POLA1: variants seen among roughly 807,000 people sequenced by gnomAD.
POLA1 encodes the protein DNA polymerase alpha catalytic subunit.
A neutral mutation model predicts 124.0 loss-of-function variants in POLA1; 15 were observed. The observed-to-expected ratio is 0.12, with a 90% CI of 0.08 to 0.19. POLA1 has a LOEUF of 0.19. Ranked by LOEUF, POLA1 falls within the 10% of genes least tolerant of loss-of-function variation. The pLI is 1.00. For synonymous variants in POLA1, 408 were observed against 389.4 expected, an observed-to-expected ratio of 1.05 and a Z score of -0.56; for missense variants, 886 against 1,103.4, an observed-to-expected ratio of 0.80 and a Z score of 2.79.
chrX:24,743,477 T>C, intron 23 of POLA1, 148 bp downstream of exon 23: 1 of 334,567 alleles, frequency 3.0e-6, no homozygotes, highest in Non-Finnish European at 5.3e-6. Flanking sequence ...GTGAAAATCT[T>C]GGTTGCCAGT....
intron 4 of POLA1, among the ~76,000 whole-genome samples, chrX:24,707,512 C>A (rs1023301755): frequency 1.7e-4 from 19 of 112,040 alleles, no homozygotes; most frequent in African/African-American, 6.2e-4. Flanking sequence ...GCTTTGCCAC[C>A]ACCATTCACC....
intron 17 of POLA1, 112 bp from the exon 18 acceptor site, chrX:24,735,287 G>T: frequency 2.2e-6 from 1 of 457,415 alleles, no homozygotes; most frequent in South Asian, 3.9e-5. Flanking sequence ...GTTTTGAAAT[G>T]GATGGTTTCT....
At chrX:24,942,620 A>G (rs1006987385) in intron 36 of POLA1, among the ~76,000 whole-genome samples, 1 of 112,422 alleles carries the variant, frequency 8.9e-6, no homozygotes, top group African/African-American at 3.2e-5. Context: ...ATTTGAAAGC[A>G]TATCTGAATT....
intron 15 of POLA1, among the ~76,000 whole-genome samples, chrX:24,729,230 C>G: frequency 9.0e-6 from 1 of 111,530 alleles, no homozygotes; most frequent in Non-Finnish European, 1.9e-5. Context: ...GGGTACTGTC[C>G]TGGGCATTGT....
intron 35 of POLA1, among the ~76,000 whole-genome samples, chrX:24,922,225 C>G (rs1242021313): frequency 1.0e-5 from 1 of 98,217 alleles, no homozygotes; most frequent in East Asian, 3.2e-4. Flanking sequence ...CAGACATGCG[C>G]TATCATACCC....
chrX:24,838,527 C>A (rs770251737), intron 32 of POLA1, among the ~76,000 whole-genome samples: 2 of 112,499 alleles, frequency 1.8e-5, no homozygotes, highest in Admixed American at 9.4e-5. Flanking sequence ...ATGGAAGTTA[C>A]TTTTCTCAAA....
intron 34 of POLA1, among the ~76,000 whole-genome samples, chrX:24,846,514 A>G (rs11573439): frequency 9.0e-6 from 1 of 111,537 alleles, no homozygotes; most frequent in Admixed American, 9.6e-5. Flanking sequence ...TTGAACTGGT[A>G]TTTTTTGAAA....
intron 36 of POLA1, among the ~76,000 whole-genome samples, chrX:24,950,293 C>CT (rs1158122246): frequency 3.6e-5 from 4 of 112,020 alleles, no homozygotes; most frequent in Non-Finnish European, 7.5e-5. Context: ...CTGTCCAGTG[C>CT]TGTAGCCTCT....
At chrX:24,867,096 T>A (rs868248091) in intron 34 of POLA1, among the ~76,000 whole-genome samples, 4 of 109,488 alleles carry the variant, frequency 3.7e-5, no homozygotes, top group African/African-American at 9.9e-5. Context: ...GATTTTTTTT[T>A]AATTTGCATA....
chrX:24,898,299 C>G (rs919972029), intron 35 of POLA1, among the ~76,000 whole-genome samples: 1 of 111,953 alleles, frequency 8.9e-6, no homozygotes, highest in African/African-American at 3.2e-5. Context: ...CAATTCAAAG[C>G]GAGTCCATTT....
At chrX:24,860,706 C>A (rs1231450073) in intron 34 of POLA1, among the ~76,000 whole-genome samples, 1 of 112,658 alleles carries the variant, frequency 8.9e-6, no homozygotes, top group Non-Finnish European at 1.9e-5. Context: ...GTCAGACCAT[C>A]ACTAGCCATT....
intron 35 of POLA1, among the ~76,000 whole-genome samples, chrX:24,895,077 C>T (rs1225097661): frequency 9.0e-6 from 1 of 111,363 alleles, no homozygotes; most frequent in Non-Finnish European, 1.9e-5. Flanking sequence ...CCCAGCCCCG[C>T]CCCTATTTTC....
At chrX:24,699,238 G>A (rs1295616942) in intron 1 of POLA1, among the ~76,000 whole-genome samples, 187 bp from the exon 2 acceptor site, 1 of 111,889 alleles carries the variant, frequency 8.9e-6, no homozygotes, top group Non-Finnish European at 1.9e-5. Flanking sequence ...ACTTTCTGGC[G>A]AGTCATGTAT....
chrX:24,741,568 G>A, intron 21 of POLA1, 64 bp downstream of exon 21: 1 of 970,975 alleles, frequency 1.0e-6, no homozygotes. Context: ...GCTTGGGGTA[G>A]TTGTTATATG....
chrX:24,887,533 G>A, intron 34 of POLA1, among the ~76,000 whole-genome samples: 1 of 112,189 alleles, frequency 8.9e-6, no homozygotes, highest in East Asian at 2.8e-4. Flanking sequence ...TGCAACAACG[G>A]TATACGGTAA....
intron 26 of POLA1, among the ~76,000 whole-genome samples, chrX:24,770,559 A>G (rs2045009039): frequency 9.0e-6 from 1 of 111,699 alleles, no homozygotes; most frequent in African/African-American, 3.3e-5. Context: ...GTCTAAACTC[A>G]GGAGGGTAAC....
chrX:24,754,744 T>TG (rs1480843097), intron 26 of POLA1, among the ~76,000 whole-genome samples: 4 of 111,980 alleles, frequency 3.6e-5, no homozygotes, highest in African/African-American at 1.3e-4. Flanking sequence ...TGTATATACA[T>TG]GTGGTGTGTT....
chrX:24,709,251 C>T (rs1929116386), intron 4 of POLA1, among the ~76,000 whole-genome samples: 1 of 100,943 alleles, frequency 9.9e-6, no homozygotes, highest in African/African-American at 4.1e-5. Context: ...GGCTGACCCC[C>T]CCACCTCCCT....
At chrX:24,919,853 T>G (rs1354957831) in intron 35 of POLA1, among the ~76,000 whole-genome samples, 1 of 90,430 alleles carries the variant, frequency 1.1e-5, no homozygotes, top group African/African-American at 4.1e-5. Flanking sequence ...CTGTTTTTTT[T>G]TTTTTTTTTT....
Sources: gnomAD v4.1 joint callset for allele counts (sites outside exome capture counted in the v4.1 genomes callset) on GRCh38, gnomAD v4.1.1 for gene constraint, MANE v1.5 for transcripts, NCBI Gene and HGNC (gene_info 2026-07-23, HGNC 2026-07-21) for gene names.